TTC39C: variants seen among roughly 807,000 people sequenced by gnomAD.
TTC39C encodes the protein tetratricopeptide repeat protein 39C.
TTC39C carries 33 observed loss-of-function variants against 76.3 expected under a neutral mutation model. The observed-to-expected ratio is 0.43, with a 90% CI of 0.33 to 0.58. The LOEUF (loss-of-function observed/expected upper bound fraction) is 0.58, where lower values mean the gene tolerates loss of function less well. Ranked by LOEUF, TTC39C falls within the 20% of genes least tolerant of loss-of-function variation. The pLI is 0.04. For synonymous variants in TTC39C, 254 were observed against 260.6 expected (o/e 0.97, Z 0.24); for missense variants, 595 against 701.4 (o/e 0.85, Z 1.71).
Position 24,072,578 on chromosome 18 carries a change from T to C in TTC39C, c.460+3307T>C, listed in dbSNP as rs551906777. Among the ~76,000 whole-genome samples, 5 of 152,360 alleles carry C rather than the reference T, an allele frequency of 3.3e-5. No homozygotes were observed. In the East Asian group the frequency reaches 9.6e-4, roughly 29 times the overall value. On this transcript the variant is annotated intron_variant, in intron 4 of 13. Coordinates refer to ENST00000317571, the MANE Select transcript of TTC39C (RefSeq NM_001135993.2). Reference sequence around the variant, plus strand: ...TCCCAAAGTGCTGGGATTGCAGGCATGGGCCACCGTGCCCGGTCAATGCTT... The same window carrying C: ...TCCCAAAGTGCTGGGATTGCAGGCACGGGCCACCGTGCCCGGTCAATGCTT...
At chr18:24,054,552 C>A (rs114163147) in intron 1 of TTC39C, among the ~76,000 whole-genome samples, 168 of 152,320 alleles carry the variant, frequency 1.1e-3, no homozygotes, top group African/African-American at 3.8e-3. Flanking sequence ...CCTTGATCTT[C>A]TTGCCCTTCA....
chr18:24,014,602 T>C (rs1377896729), upstream of TTC39C: 1 of 309,166 alleles, frequency 3.2e-6, no homozygotes. Flanking sequence ...AGTTGGGTGC[T>C]TCGGAGGGCG....
chr18:24,075,690 A>C (rs370729356), intron 4 of TTC39C, among the ~76,000 whole-genome samples: 3 of 138,568 alleles, frequency 2.2e-5, no homozygotes, highest in African/African-American at 9.6e-5. Flanking sequence ...GTCTCAAAAA[A>C]AAAAAAAAAA....
intron 6 of TTC39C, among the ~76,000 whole-genome samples, chr18:24,091,479 T>C (rs887770956): frequency 6.6e-6 from 1 of 152,154 alleles, no homozygotes; most frequent in Non-Finnish European, 1.5e-5. Flanking sequence ...AAGAATGAAG[T>C]TGGACCCTTA....
intron 1 of TTC39C, among the ~76,000 whole-genome samples, chr18:24,041,098 G>A (rs1038053225): frequency 6.6e-6 from 1 of 152,064 alleles, no homozygotes; most frequent in African/African-American, 2.4e-5. Context: ...ATGAATGGAA[G>A]TATTTCCTTC....
intron 1 of TTC39C, among the ~76,000 whole-genome samples, chr18:24,048,590 G>C (rs1220631000): frequency 6.6e-6 from 1 of 152,144 alleles, no homozygotes; most frequent in Admixed American, 6.6e-5. Context: ...TATATTTTTG[G>C]TTAAAACATG....
intron 1 of TTC39C, among the ~76,000 whole-genome samples, chr18:24,028,212 G>GT (rs2083621652): frequency 6.6e-6 from 1 of 152,172 alleles, no homozygotes; most frequent in Non-Finnish European, 1.5e-5. Flanking sequence ...AAACTACTTA[G>GT]AAGTGTAGCC....
In TTC39C at chr18:24,014,925, C is replaced by T. The variant is rs1335805916; in HGVS notation, c.54C>T (p.Asp18=). The stretch of plus-strand genomic sequence containing the variant: ...GGCGGCGGGACGACGGAGACTCGGA[C>T]GCGGCAGCGGCGGCGGCGGCGCCCC... ...RPRRRDDGDS[D]AAAAAAAPLQ... is the part of the protein sequence containing the mutation. The change falls in exon 1 of 14, where the codon GAC becomes GAT. Residue 18 remains aspartate (D), a synonymous_variant. Coordinates refer to ENST00000317571, the MANE Select transcript of TTC39C (RefSeq NM_001135993.2). The T allele has an allele frequency of 2.6e-6, 4 of 1,520,280 alleles. No homozygotes were observed. Among genetic ancestry groups the T allele is most frequent in the Non-Finnish European group, 3.5e-6 (4 of 1,134,350 alleles). 94.2% of individuals were successfully genotyped at this position (1,520,280 alleles called of 1,614,324 possible).
rs9960870 is a variant in TTC39C, at chr18:24,098,887, C to A, written c.985-15667C>A. Among the ~76,000 whole-genome samples the A allele has an allele frequency of 4.6e-3, 697 of 151,928 alleles. 1 individual carries two copies. Among genetic ancestry groups the A allele is most frequent in the African/African-American group, 0.015 (630 of 41,474 alleles). On this transcript the variant is annotated intron_variant, in intron 6 of 13. Transcript: ENST00000317571. ...CCTCAAGTGATCCTCCTGCCTTGGC[C>A]TCCCAAAGTGCTGGGATTACAGGCA...
chr18:24,002,431 A>G (rs2145627279), intron 1 of TTC39C, among the ~76,000 whole-genome samples: 1 of 152,274 alleles, frequency 6.6e-6, no homozygotes, highest in South Asian at 2.1e-4. Context: ...GTCAATGGAG[A>G]CCAAATTGAC....
chr18:24,092,032 G>T (rs1281212152), intron 6 of TTC39C, among the ~76,000 whole-genome samples: 1 of 138,856 alleles, frequency 7.2e-6, no homozygotes, highest in African/African-American at 2.6e-5. Context: ...GGCGGAGCTT[G>T]CAGTGAACCA....
chr18:24,127,213 C>T (rs2085062412), intron 10 of TTC39C, among the ~76,000 whole-genome samples: 1 of 152,166 alleles, frequency 6.6e-6, no homozygotes, highest in Non-Finnish European at 1.5e-5. Flanking sequence ...TATCATTCCT[C>T]AATGGTAAGC....
upstream of TTC39C, among the ~76,000 whole-genome samples, chr18:24,013,376 T>C (rs1300794883): frequency 6.6e-6 from 1 of 152,234 alleles, no homozygotes; most frequent in Non-Finnish European, 1.5e-5. Context: ...TTTATAAAAG[T>C]TGAAAATCCT....
chr18:23,993,366 A>T (rs985565037), intron 1 of TTC39C, among the ~76,000 whole-genome samples: 28 of 152,244 alleles, frequency 1.8e-4, no homozygotes, highest in African/African-American at 6.5e-4. Context: ...ACATGCATTA[A>T]TATCAGGTTA....
At chr18:24,020,192 C>T (rs1369401341) in intron 1 of TTC39C, 2 of 1,145,088 alleles carry the variant, frequency 1.7e-6, no homozygotes, top group Non-Finnish European at 2.1e-6. Context: ...TTTTTCCATC[C>T]TCTTCAACTC....
At position 23,996,688 on chromosome 18, in the gene TTC39C, T is replaced by C. The variant is rs75982878; in HGVS notation, c.-17+3650T>C. Among the ~76,000 whole-genome samples the C allele has an allele frequency of 6.1e-3, 932 of 152,332 alleles. 56 individuals are homozygous for C. In the East Asian group the frequency reaches 0.15, roughly 25 times the overall value. On this transcript the variant is annotated intron_variant, in intron 1 of 13. Coordinates refer to the TTC39C transcript ENST00000304621. ...CCTACTAAATCAGGACTTTTGAGGA[T>C]GAGGCCTAGAAATCTATATACATAG...
intron 1 of TTC39C, among the ~76,000 whole-genome samples, chr18:23,994,992 A>G (rs942585899): frequency 6.6e-6 from 1 of 152,092 alleles, no homozygotes. Context: ...AAATGTGTGT[A>G]TAGTTCTCTG....
At chr18:24,042,288 G>A (rs1281025409) in intron 1 of TTC39C, among the ~76,000 whole-genome samples, 1 of 152,164 alleles carries the variant, frequency 6.6e-6, no homozygotes, top group Non-Finnish European at 1.5e-5. Flanking sequence ...TTTCATGGGT[G>A]ACAGTTTTTC....
At chr18:24,050,077 C>T (rs1208083904) in intron 1 of TTC39C, among the ~76,000 whole-genome samples, 1 of 152,178 alleles carries the variant, frequency 6.6e-6, no homozygotes, top group Non-Finnish European at 1.5e-5. Flanking sequence ...GGTGCCTGGA[C>T]ACCATTTGGG....
Sources: allele counts gnomAD v4.1 joint callset (sites outside exome capture counted in the v4.1 genomes callset), GRCh38; gene constraint gnomAD v4.1.1; transcripts MANE v1.5; gene names NCBI Gene and HGNC (gene_info 2026-07-23, HGNC 2026-07-21).